The following MYO5B variants were observed in gnomAD, a reference collection of about 807,000 sequenced individuals.
The protein encoded by MYO5B is myosin VB.
A neutral mutation model predicts 229.3 loss-of-function variants in MYO5B; 143 were observed. The ratio of observed to expected loss-of-function variants is 0.62; its 90% CI spans 0.54 to 0.72. The LOEUF is 0.72. Among genes scored for constraint, MYO5B ranks in the 30% least tolerant of loss-of-function variants. The pLI, the probability that MYO5B is intolerant of heterozygous loss-of-function variation, is 0.00. For synonymous variants in MYO5B, 918 were observed against 885.2 expected, an observed-to-expected ratio of 1.04 and a Z score of -0.66; for missense variants, 2,321 against 2,331.0, an observed-to-expected ratio of 1.00 and a Z score of 0.09.
chr18:49,845,495 A>T (rs1392114751), intron 33 of MYO5B, among the ~76,000 whole-genome samples: 1 of 152,136 alleles, frequency 6.6e-6, no homozygotes, highest in Non-Finnish European at 1.5e-5. Flanking sequence ...TTGAACTTCA[A>T]ATATTCCTGC....
chr18:49,963,339 C>T (rs1246122665), intron 10 of MYO5B, among the ~76,000 whole-genome samples: 1 of 151,724 alleles, frequency 6.6e-6, no homozygotes, highest in East Asian at 1.9e-4. Flanking sequence ...TGGTGGGTTT[C>T]CTTTTAGGAA....
At chr18:50,178,845 T>C (rs573334345) in intron 1 of MYO5B, among the ~76,000 whole-genome samples, 1 of 152,186 alleles carries the variant, frequency 6.6e-6, no homozygotes, top group African/African-American at 2.4e-5. Flanking sequence ...AGTGGCCTGC[T>C]GAAAGGGGTT....
intron 34 of MYO5B, among the ~76,000 whole-genome samples, chr18:49,842,209 C>A (rs944649107): frequency 6.6e-6 from 1 of 152,132 alleles, no homozygotes; most frequent in Admixed American, 6.5e-5. Flanking sequence ...TTTGTGTCAG[C>A]CCTAAATTGG....
intron 16 of MYO5B, among the ~76,000 whole-genome samples, chr18:49,929,953 A>T (rs3937011): frequency 0.083 from 12,598 of 152,148 alleles, 1,024 homozygotes; most frequent in East Asian, 0.3. Flanking sequence ...TTTATCCACA[A>T]GGGCATGCAT....
intron 1 of MYO5B, among the ~76,000 whole-genome samples, chr18:50,156,851 A>G (rs919647240): frequency 3.3e-5 from 5 of 152,200 alleles, no homozygotes; most frequent in African/African-American, 1.2e-4. Context: ...ACTAAGTGCC[A>G]TCATTTCGAC....
intron 16 of MYO5B, among the ~76,000 whole-genome samples, chr18:49,933,202 A>C (rs1418540595): frequency 6.6e-6 from 1 of 152,122 alleles, no homozygotes; most frequent in Admixed American, 6.5e-5. Flanking sequence ...AGACTCCGAG[A>C]CCTGGGCTGG....
intron 20 of MYO5B, among the ~76,000 whole-genome samples, chr18:49,903,092 A>G (rs1057484999): frequency 6.6e-6 from 1 of 152,192 alleles, no homozygotes; most frequent in Non-Finnish European, 1.5e-5. Flanking sequence ...TTTATGGGTT[A>G]GGAAACCACA....
chr18:50,054,701 T>A (rs1330013042), intron 2 of MYO5B, among the ~76,000 whole-genome samples: 1 of 152,134 alleles, frequency 6.6e-6, no homozygotes, highest in Admixed American at 6.5e-5. Flanking sequence ...TAAAAAATGC[T>A]CACTACAGCA....
chr18:50,041,297 CT>C (rs2030007732), intron 2 of MYO5B, among the ~76,000 whole-genome samples: 1 of 152,096 alleles, frequency 6.6e-6, no homozygotes, highest in Admixed American at 6.6e-5. Flanking sequence ...TTACATAAAA[CT>C]TTTAGGAAAT....
chr18:49,933,249 G>A lies in MYO5B; in HGVS notation c.2003+3003C>T, dbSNP rs576393085. The stretch of plus-strand genomic sequence containing the variant: ...CCAGTGACCAGGTCCTCCACAAAGC[G>A]TTCCCAGGTTATGACAACCGCCCCA... On this transcript the variant is annotated intron_variant, in intron 16 of 39. Coordinates refer to ENST00000285039, the MANE Select transcript of MYO5B (RefSeq NM_001080467.3). Among the ~76,000 whole-genome samples the A allele has an allele frequency of 8.3e-4, 126 of 152,278 alleles. No homozygotes were observed. In the Middle Eastern group the frequency reaches 0.01, roughly 12 times the overall value.
At chr18:49,860,718 G>A (rs1406813953) in intron 29 of MYO5B, among the ~76,000 whole-genome samples, 1 of 152,206 alleles carries the variant, frequency 6.6e-6, no homozygotes, top group African/African-American at 2.4e-5. Flanking sequence ...GCAAAATTCA[G>A]CATATGAGTG....
chr18:50,016,684 T>C (rs552778082), intron 4 of MYO5B, among the ~76,000 whole-genome samples: 2 of 152,268 alleles, frequency 1.3e-5, no homozygotes, highest in Non-Finnish European at 2.9e-5. Flanking sequence ...TATCATACAA[T>C]TCACCCATTT....
chr18:49,985,841 G>A (rs771801098), intron 7 of MYO5B, among the ~76,000 whole-genome samples: 6 of 152,168 alleles, frequency 3.9e-5, no homozygotes, highest in Non-Finnish European at 7.3e-5. Context: ...GCAACTCCCA[G>A]TGCTCCTTCA....
chr18:49,956,377 T>C (rs1331820117), intron 12 of MYO5B, among the ~76,000 whole-genome samples: 1 of 152,200 alleles, frequency 6.6e-6, no homozygotes, highest in Non-Finnish European at 1.5e-5. Flanking sequence ...GGTCACATAA[T>C]GGGGAAGTAT....
At chr18:50,118,688 G>C (rs896507322) in intron 1 of MYO5B, among the ~76,000 whole-genome samples, 5 of 150,110 alleles carry the variant, frequency 3.3e-5, no homozygotes, top group African/African-American at 1.2e-4. Context: ...GCAGTGGCGC[G>C]ATCTCGGCTC....
At chr18:49,899,879 C>A (rs1269777793) in intron 21 of MYO5B, among the ~76,000 whole-genome samples, 2 of 152,184 alleles carry the variant, frequency 1.3e-5, no homozygotes, top group Non-Finnish European at 2.9e-5. Flanking sequence ...CCTGCCACCA[C>A]TCACAGATGT....
intron 17 of MYO5B, among the ~76,000 whole-genome samples, chr18:49,918,307 G>A (rs2025038737): frequency 6.6e-6 from 1 of 152,214 alleles, no homozygotes; most frequent in Admixed American, 6.5e-5. Context: ...TTCCTCATGA[G>A]GGGACTGGCT....
Position 49,941,722 on chromosome 18 carries a change from G to T in MYO5B, c.1753-4325C>A, listed in dbSNP as rs575293844. Among the ~76,000 whole-genome samples, 6 of 151,872 alleles carry T rather than the reference G, an allele frequency of 4.0e-5. No individual in the cohort carries two copies. The East Asian group carries it at 5.8e-4, about 15-fold the overall frequency. On this transcript the variant is annotated intron_variant, in intron 14 of 39. Coordinates refer to ENST00000285039, the MANE Select transcript of MYO5B (RefSeq NM_001080467.3). ...AACATTCCATGCTCATGGGTAGGAAGAATCAATATCGTGAAAATGGCCATA... is the reference window on the plus strand; with the variant it reads ...AACATTCCATGCTCATGGGTAGGAATAATCAATATCGTGAAAATGGCCATA...
intron 12 of MYO5B, among the ~76,000 whole-genome samples, chr18:49,957,170 G>A (rs1196947757): frequency 1.1e-4 from 12 of 110,568 alleles, no homozygotes; most frequent in African/African-American, 4.5e-4. Context: ...AAAAAAGCAG[G>A]CATGGCAGTG....
Sources: allele counts gnomAD v4.1 joint callset (sites outside exome capture counted in the v4.1 genomes callset), GRCh38; gene constraint gnomAD v4.1.1; transcripts MANE v1.5; gene names NCBI Gene and HGNC (gene_info 2026-07-23, HGNC 2026-07-21).